VSIG4: variants seen among roughly 807,000 people sequenced by gnomAD.
VSIG4 encodes V-set and immunoglobulin domain containing 4, also known as V-set and immunoglobulin domain-containing protein 4.
A neutral mutation model predicts 23.4 loss-of-function variants in VSIG4; 34 were observed. That is an observed-to-expected ratio of 1.45 (90% CI 1.10 to 1.93). The LOEUF is 1.93. Ranked by LOEUF, VSIG4 falls within the 30% of genes most tolerant of loss-of-function variation. The probability of loss-of-function intolerance (pLI) is 0.00; values close to 1 mark genes in which losing one functional copy is unlikely to be tolerated. For synonymous variants in VSIG4, 169 were observed against 120.3 expected (o/e 1.41, Z -2.65); for missense variants, 433 against 310.8 (o/e 1.39, Z -2.96).
chrX:66,023,438 C>T (rs150213957), intron 6 of VSIG4, among the ~76,000 whole-genome samples: 3 of 112,083 alleles, frequency 2.7e-5, no homozygotes, highest in Non-Finnish European at 5.6e-5. Flanking sequence ...TTTCTTTGTA[C>T]TGCCCTCTAG....
chrX:66,033,904 A>T lies in VSIG4; in HGVS notation c.56-74T>A. 5.8e-6 allele frequency: 5 copies of T among 858,344 alleles called. No homozygotes were observed. The South Asian group carries it at 1.2e-4, about 21-fold the overall frequency. The allele number at this position is 858,344 out of a possible 1,213,427, so 70.7% of individuals were successfully genotyped here. ...CTTGGCAACTAAGGTGACAGTGACA[A>T]ACCTCAAAAGGTTTCTGAGAAATGC... On this transcript the variant is annotated intron_variant, in intron 1 of 7. Coordinates refer to ENST00000374737, the MANE Select transcript of VSIG4 (RefSeq NM_007268.3).
chrX:66,032,096 C>A (rs1381351037), intron 3 of VSIG4, among the ~76,000 whole-genome samples: 1 of 111,597 alleles, frequency 9.0e-6, no homozygotes, highest in Non-Finnish European at 1.9e-5. Flanking sequence ...AGACCATGGG[C>A]AAGTAGATTC....
At chrX:66,032,826 G>A in intron 2 of VSIG4, 77 bp from the exon 3 acceptor site, 3 of 1,042,693 alleles carry the variant, frequency 2.9e-6, no homozygotes, top group Non-Finnish European at 2.6e-6. Flanking sequence ...CATTCTTGTT[G>A]GGCGTAAGGG....
intron 1 of VSIG4, among the ~76,000 whole-genome samples, chrX:66,038,392 C>A (rs1195455994): frequency 9.1e-6 from 1 of 110,035 alleles, no homozygotes; most frequent in African/African-American, 3.3e-5. Flanking sequence ...AGTATAAGAT[C>A]CTGTGTACAA....
At chrX:66,037,634 TATA>T (rs1246237925) in intron 1 of VSIG4, among the ~76,000 whole-genome samples, 8 of 83,384 alleles carry the variant, frequency 9.6e-5, no homozygotes, top group African/African-American at 3.7e-4. Flanking sequence ...ATATATAATA[TATA>T]ATAATTATAT....
In VSIG4 at chrX:66,032,536, TAGG is replaced by T. The variant is rs750602309; in HGVS notation, c.623_625del (p.Ser208del). On this transcript the variant is annotated inframe_deletion, in exon 3 of 8. Transcript: ENST00000374737. ...AACCTGGCCCTTGGCAGTGCAGAAA[TAGG>T]AGCCTGAGTCGGCTATCACCGCAGG... 1 of 1,210,244 alleles carries T rather than the reference TAGG, an allele frequency of 8.3e-7. No individual in the cohort carries two copies. Among genetic ancestry groups the T allele is most frequent in the Non-Finnish European group, 1.1e-6 (1 of 895,261 alleles).
At chrX:66,034,066 T>C (rs183524902) in intron 1 of VSIG4, among the ~76,000 whole-genome samples, 1 of 112,064 alleles carries the variant, frequency 8.9e-6, no homozygotes, top group Admixed American at 9.5e-5. Flanking sequence ...AAGTCCTTTT[T>C]ATGTTACTGT....
rs749115881 is a variant in VSIG4, at chrX:66,023,207, C to T, written c.941-345G>A. 6.4e-5 allele frequency among the ~76,000 whole-genome samples: 7 copies of T among 110,148 alleles called. No individual in the cohort carries two copies. The South Asian group carries it at 2.8e-3, about 43-fold the overall frequency. On this transcript the variant is annotated intron_variant, in intron 6 of 7. Transcript: ENST00000374737. ...CTCCCCCAAGGATCCCCAGAGAGTC[C>T]TTGTGGGAAACTTGACTGTCAGGCC...
At chrX:66,031,572 A>G (rs1031446814) in intron 3 of VSIG4, among the ~76,000 whole-genome samples, 2 of 110,639 alleles carry the variant, frequency 1.8e-5, no homozygotes, top group Non-Finnish European at 3.8e-5. Context: ...AGAAGACAAT[A>G]ATTTTCAGAT....
chrX:66,032,470 T>G lies in VSIG4; in HGVS notation c.692A>C (p.Lys231Thr). ...QHSDIVKFVVKDSSKLLKTKT... is the reference protein window; with the variant it reads ...QHSDIVKFVVTDSSKLLKTKT... ...CACCAGGAAAGAGGGCCGCTCACCT[T>G]TGACCACAAACTTCACAATGTCGCT... The change falls in exon 3 of 8, where the codon AAA becomes ACA. Residue 231 changes from lysine to threonine, a missense_variant and splice_region_variant. Physicochemically the swap from Lys to Thr is moderately conservative, Grantham distance 78. Coordinates refer to ENST00000374737, the MANE Select transcript of VSIG4 (RefSeq NM_007268.3). 8.3e-7 allele frequency: 1 copy of G among 1,208,869 alleles called. No homozygotes were observed. The highest frequency in any genetic ancestry group is 1.1e-6 in the Non-Finnish European group (1 of 893,431).
Position 66,037,757 on chromosome X carries a change from C to T in VSIG4, c.55+2187G>A, listed in dbSNP as rs186880205. ...TAAGTATATAAACTTATTACTGATA[C>T]GTATATATACTTATTGCTGATAAGT... is the stretch of plus-strand genomic sequence containing the variant. On this transcript the variant is annotated intron_variant, in intron 1 of 7. Transcript: ENST00000374737. 1.0e-3 allele frequency among the ~76,000 whole-genome samples: 82 copies of T among 80,184 alleles called. 2 individuals are homozygous for T. The highest frequency in any genetic ancestry group is 1.6e-3 in the Non-Finnish European group (73 of 45,319). 69.6% of individuals were successfully genotyped at this position (80,184 alleles called of 115,157 possible). A position where few individuals can be genotyped will look rare whatever the true frequency, so the allele number is the denominator to read the frequency against.
Position 66,028,126 on chromosome X carries a change from G to C in VSIG4, c.695-14C>G. 1 of 1,203,870 alleles carries C rather than the reference G, an allele frequency of 8.3e-7. No individual in the cohort carries two copies. The highest frequency in any genetic ancestry group is 1.8e-5 in the South Asian group (1 of 56,755). ...GCTTTGAGGAGTCTGCAAGGAAAAG[G>C]GAACCGATTGAAGGGACCTGGTACC... is the stretch of plus-strand genomic sequence containing the variant. On this transcript the variant is annotated splice_polypyrimidine_tract_variant and intron_variant, in intron 3 of 7. Transcript: ENST00000374737.
intron 6 of VSIG4, among the ~76,000 whole-genome samples, chrX:66,024,513 G>A (rs2085367443): frequency 9.0e-6 from 1 of 111,618 alleles, no homozygotes; most frequent in Non-Finnish European, 1.9e-5. Context: ...CTGAAATACT[G>A]TCTCCTTACA....
rs2085337908 is a variant in VSIG4 at position 66,022,113 on chromosome X, G to T, written c.*150C>A. On this transcript the variant is annotated 3_prime_UTR_variant, in exon 8 of 8. Transcript: ENST00000374737. The stretch of plus-strand genomic sequence containing the variant: ...CTTGAGATGCATCTGGCAAATTCCA[G>T]GGCAAAGCCAGTGACTCCCAGCGGC... 8.5e-7 allele frequency: 1 copy of T among 1,177,150 alleles called. No homozygotes were observed. Among genetic ancestry groups the T allele is most frequent in the East Asian group, 3.1e-5 (1 of 31,775 alleles).
intron 5 of VSIG4, 152 bp downstream of exon 5, chrX:66,027,297 T>A (rs2085402908): frequency 2.0e-6 from 1 of 496,949 alleles, no homozygotes; most frequent in Non-Finnish European, 3.6e-6. Context: ...CTACCCACTT[T>A]ACCCATCCTC....
chrX:66,026,271 A>T (rs2085389046), intron 5 of VSIG4, among the ~76,000 whole-genome samples: 1 of 112,044 alleles, frequency 8.9e-6, no homozygotes, highest in Non-Finnish European at 1.9e-5. Context: ...ATCGTGTCCT[A>T]GGAATCCAGT....
intron 1 of VSIG4, 107 bp from the exon 2 acceptor site, chrX:66,033,937 C>T: frequency 1.6e-6 from 1 of 621,774 alleles, no homozygotes; most frequent in African/African-American, 2.2e-5. Flanking sequence ...TGCCACTCAA[C>T]TTTCTTTCTA....
chrX:66,023,407 A>C (rs1389109532), intron 6 of VSIG4, among the ~76,000 whole-genome samples: 1 of 112,067 alleles, frequency 8.9e-6, no homozygotes, highest in Non-Finnish European at 1.9e-5. Flanking sequence ...TCAAAGGCTT[A>C]GGTTGGTGCA....
In VSIG4 at chrX:66,032,209, T is replaced by G. The variant is rs149277411; in HGVS notation, c.694+259A>C. Among the ~76,000 whole-genome samples, 905 of 112,084 alleles carry G rather than the reference T, an allele frequency of 8.1e-3. 16 individuals are homozygous for G. The highest frequency in any genetic ancestry group is 0.027 in the African/African-American group (848 of 30,839). ...TGAGAAAATGTGTGTCAAGTTATTG[T>G]ACTTTGTATCTGGCAAATACAATGT... is the stretch of plus-strand genomic sequence containing the variant. On this transcript the variant is annotated intron_variant, in intron 3 of 7. Coordinates refer to ENST00000374737, the MANE Select transcript of VSIG4 (RefSeq NM_007268.3).
Sources: gnomAD v4.1 joint callset for allele counts (sites outside exome capture counted in the v4.1 genomes callset) on GRCh38, gnomAD v4.1.1 for gene constraint, MANE v1.5 for transcripts, NCBI Gene and HGNC (gene_info 2026-07-23, HGNC 2026-07-21) for gene names.